The following FUT9 variants were observed in gnomAD, a reference collection of about 807,000 sequenced individuals.
The protein encoded by FUT9 is fucosyltransferase 9, also known as 4-galactosyl-N-acetylglucosaminide 3-alpha-L-fucosyltransferase 9.
Under a neutral mutation model 29.7 loss-of-function variants are expected in FUT9, and 15 were observed. The observed-to-expected ratio is 0.51, with a 90% CI of 0.34 to 0.78. The LOEUF (loss-of-function observed/expected upper bound fraction) is 0.78, where lower values mean the gene tolerates loss of function less well. Among genes scored for constraint, FUT9 ranks in the 30% least tolerant of loss-of-function variants. The probability of loss-of-function intolerance (pLI) is 0.01; values close to 1 mark genes in which losing one functional copy is unlikely to be tolerated. For synonymous variants in FUT9, 169 were observed against 153.7 expected, an observed-to-expected ratio of 1.10 and a Z score of -0.74; for missense variants, 319 against 425.4, an observed-to-expected ratio of 0.75 and a Z score of 2.20.
chr6:96,156,870 A>C (rs1272588796), intron 2 of FUT9, among the ~76,000 whole-genome samples: 1 of 152,166 alleles, frequency 6.6e-6, no homozygotes, highest in East Asian at 1.9e-4. Flanking sequence ...ATGTGTGCTG[A>C]GGTTTGGAAC....
chr6:96,108,827 C>CGTTCATTTGTACACACACA (rs1184507441), intron 1 of FUT9, among the ~76,000 whole-genome samples: 7 of 152,036 alleles, frequency 4.6e-5, no homozygotes, highest in Non-Finnish European at 7.4e-5. Context: ...ACACACACAC[C>CGTTCATTTGTACACACACA]GTTCATTTGT....
intron 1 of FUT9, among the ~76,000 whole-genome samples, chr6:96,051,624 G>A (rs866449796): frequency 1.3e-5 from 2 of 151,932 alleles, no homozygotes; most frequent in Non-Finnish European, 2.9e-5. Context: ...CTGCACTCCA[G>A]CCTTGGCAAC....
intron 1 of FUT9, among the ~76,000 whole-genome samples, chr6:96,074,015 G>A (rs1394196007): frequency 6.6e-6 from 1 of 151,930 alleles, no homozygotes; most frequent in East Asian, 1.9e-4. Flanking sequence ...TAAAATTTAG[G>A]GCCTGCAATT....
intron 1 of FUT9, among the ~76,000 whole-genome samples, chr6:96,070,547 C>A (rs938239048): frequency 6.6e-6 from 1 of 151,976 alleles, no homozygotes. Flanking sequence ...GTTAGCTGGG[C>A]ATGGTGTGGC....
At chr6:96,086,501 G>T (rs992570032) in intron 1 of FUT9, among the ~76,000 whole-genome samples, 1 of 152,046 alleles carries the variant, frequency 6.6e-6, no homozygotes, top group Non-Finnish European at 1.5e-5. Context: ...TATATGTAAT[G>T]CTTAAGAAAT....
In FUT9 at chr6:96,155,329, T is replaced by C. The variant is rs1029149606; in HGVS notation, c.-9+41202T>C. Among the ~76,000 whole-genome samples the C allele has an allele frequency of 2.0e-5, 3 of 152,104 alleles. No individual in the cohort carries two copies. In the East Asian group the frequency reaches 5.8e-4, roughly 29 times the overall value. ...TTATGGTCTGAAATGTGTTCTCAAA[T>C]TCATGTCGAAGTCCCAATCTCCAGT... is the stretch of plus-strand genomic sequence containing the variant. On this transcript the variant is annotated intron_variant, in intron 2 of 2. Coordinates refer to ENST00000302103, the MANE Select transcript of FUT9 (RefSeq NM_006581.4).
chr6:96,064,934 A>G (rs1054395783), intron 1 of FUT9, among the ~76,000 whole-genome samples: 1 of 152,230 alleles, frequency 6.6e-6, no homozygotes, highest in Non-Finnish European at 1.5e-5. Context: ...ATAGAAAAGT[A>G]CATCTCAAAA....
rs555652045 is a variant in FUT9 at position 96,047,778 on chromosome 6, A to C, written c.-98+31566A>C. 6.4e-4 allele frequency among the ~76,000 whole-genome samples: 97 copies of C among 152,320 alleles called. 3 individuals carry two copies. The highest frequency in any genetic ancestry group is 1.7e-3 in the South Asian group (8 of 4,830). ...AAGATGACTTAAGACAGGCAACAAG[A>C]ATTAAGAAAGATTTCCTGAAATCTC... On this transcript the variant is annotated intron_variant, in intron 1 of 2. Transcript: ENST00000302103.
intron 1 of FUT9, among the ~76,000 whole-genome samples, chr6:96,062,026 T>A (rs1770882202): frequency 6.6e-6 from 1 of 152,204 alleles, no homozygotes; most frequent in Admixed American, 6.5e-5. Flanking sequence ...TAACAATATT[T>A]TATTTTATAA....
At chr6:96,107,870 G>C (rs1057474214) in intron 1 of FUT9, among the ~76,000 whole-genome samples, 5 of 152,104 alleles carry the variant, frequency 3.3e-5, no homozygotes, top group African/African-American at 9.7e-5. Context: ...ATTCAAGTGA[G>C]CTAAGTGAGA....
In FUT9 at chr6:96,206,347, G is replaced by T. The variant is rs943228353; in HGVS notation, c.*2112G>T. On this transcript the variant is annotated 3_prime_UTR_variant, in exon 3 of 3. Coordinates refer to ENST00000302103, the MANE Select transcript of FUT9 (RefSeq NM_006581.4). ...ATCTCCATCCATATTTAATTAATTG[G>T]TAAGACAGTCAAATTCATACATTTA... The T allele has an allele frequency of 1.8e-5, 3 of 166,948 alleles. No homozygotes were observed. Among genetic ancestry groups the T allele is most frequent in the African/African-American group, 7.2e-5 (3 of 41,394 alleles). The allele number at this position is 166,948 out of a possible 1,614,324, so 10.3% of individuals were successfully genotyped here.
At chr6:96,022,229 C>T (rs929102188) in intron 1 of FUT9, among the ~76,000 whole-genome samples, 2 of 152,020 alleles carry the variant, frequency 1.3e-5, no homozygotes, top group African/African-American at 4.8e-5. Flanking sequence ...TTCCTGCTGA[C>T]TTTCAAGGGT....
chr6:96,063,261 A>C (rs1013381143), intron 1 of FUT9, among the ~76,000 whole-genome samples: 5 of 152,166 alleles, frequency 3.3e-5, no homozygotes, highest in African/African-American at 9.7e-5. Context: ...ATTCTTAAGA[A>C]AATAGGTTTA....
intron 2 of FUT9, among the ~76,000 whole-genome samples, chr6:96,128,452 T>C (rs993987692): frequency 8.5e-5 from 13 of 152,208 alleles, no homozygotes; most frequent in Non-Finnish European, 1.6e-4. Flanking sequence ...TTTTCATTTG[T>C]ACTGTATTAA....
chr6:96,165,237 G>T (rs1772993369), intron 2 of FUT9, among the ~76,000 whole-genome samples: 1 of 151,896 alleles, frequency 6.6e-6, no homozygotes, highest in African/African-American at 2.4e-5. Flanking sequence ...TTCGAGACCA[G>T]CCTGACAAAC....
At chr6:96,195,894 T>C (rs6915294) in intron 2 of FUT9, among the ~76,000 whole-genome samples, 138,910 of 152,228 alleles carry the variant, frequency 0.91, 64,741 homozygotes, top group Non-Finnish European at 1. Context: ...GAGCAAATTA[T>C]TCTTTGAACC....
chr6:96,157,610 T>C (rs1025862712), intron 2 of FUT9, among the ~76,000 whole-genome samples: 2 of 152,132 alleles, frequency 1.3e-5, no homozygotes, highest in African/African-American at 2.4e-5. Context: ...GCAAAAGCAA[T>C]GTAGGAAAAT....
At chr6:96,090,557 A>T (rs1771394828) in intron 1 of FUT9, among the ~76,000 whole-genome samples, 1 of 151,928 alleles carries the variant, frequency 6.6e-6, no homozygotes, top group South Asian at 2.1e-4. Flanking sequence ...CATATATTTG[A>T]CATGATCATC....
intron 1 of FUT9, among the ~76,000 whole-genome samples, chr6:96,027,116 T>C (rs1770182083): frequency 6.6e-6 from 1 of 151,712 alleles, no homozygotes; most frequent in South Asian, 2.1e-4. Context: ...ATTCATATCC[T>C]GATACTCATT....
Sources: gnomAD v4.1 joint callset for allele counts (sites outside exome capture counted in the v4.1 genomes callset) on GRCh38, gnomAD v4.1.1 for gene constraint, MANE v1.5 for transcripts, NCBI Gene and HGNC (gene_info 2026-07-23, HGNC 2026-07-21) for gene names.